Variants in VPS11 observed in about 807,000 individuals in gnomAD.
VPS11 encodes the protein VPS11 core subunit of CORVET and HOPS complexes.
Under a neutral mutation model 106.8 loss-of-function variants are expected in VPS11, and 51 were observed. The observed-to-expected ratio is 0.48, with a 90% CI of 0.38 to 0.60. The LOEUF is 0.60. Ranked by LOEUF, VPS11 falls within the 20% of genes least tolerant of loss-of-function variation. The pLI, the probability that VPS11 is intolerant of heterozygous loss-of-function variation, is 0.00. For synonymous variants in VPS11, 453 were observed against 458.7 expected (o/e 0.99, Z 0.16); for missense variants, 950 against 1,190.0 (o/e 0.80, Z 2.97).
intron 4 of VPS11, chr11:119,070,697 C>G: frequency 5.7e-6 from 1 of 174,662 alleles, no homozygotes; most frequent in South Asian, 1.5e-4. Flanking sequence ...CCTCAGTCTC[C>G]CAGGTTCAAG....
intron 1 of VPS11, among the ~76,000 whole-genome samples, chr11:119,068,392 GGTTT>G (rs1232855979): frequency 6.6e-6 from 1 of 151,282 alleles, no homozygotes; most frequent in Admixed American, 6.6e-5. Context: ...TGAGCCTAGC[GGTTT>G]GTTGCTTTCA....
At position 119,067,909 on chromosome 11, in the gene VPS11, C is replaced by T. The variant is rs1406577677; in HGVS notation, c.86C>T (p.Pro29Leu). ...CCGCTGAGCAATGATGGGGCCGCTC[C>T]CGGGGCCACACCTGCTTCTGGATCC... is the stretch of plus-strand genomic sequence containing the variant. Reference protein sequence around the residue: ...KEPLSNDGAAPGATPASGSAA... With the variant: ...KEPLSNDGAALGATPASGSAA... The change falls in exon 1 of 16, where the codon CCC becomes CTC. Residue 29 changes from proline to leucine, a missense_variant. By Grantham distance (98) the Pro-to-Leu change is moderately conservative (BLOSUM62 -3). Coordinates refer to ENST00000621676, the MANE Select transcript of VPS11 (RefSeq NM_021729.6). 6.2e-7 allele frequency: 1 copy of T among 1,606,002 alleles called. No individual in the cohort carries two copies. The highest frequency in any genetic ancestry group is 1.3e-5 in the African/African-American group (1 of 74,822).
At chr11:119,077,746 C>T in intron 9 of VPS11, 99 bp downstream of exon 9, 5 of 1,542,088 alleles carry the variant, frequency 3.2e-6, no homozygotes, top group Non-Finnish European at 4.4e-6. Context: ...CCACCCCATC[C>T]TCCTGAGTGG....
In VPS11 at chr11:119,071,585, G is replaced by A. The variant is rs143519923; in HGVS notation, c.637-11G>A. 1,492 of 1,613,500 alleles carry A rather than the reference G, an allele frequency of 9.2e-4. 15 individuals are homozygous for A. The East Asian group carries it at 0.018, about 20-fold the overall frequency. ...AAAGGAGCCTGTTAACCCCTTTGTT[G>A]CTTCTGGCAGTCCTATATAGTTTCT... On this transcript the variant is annotated splice_polypyrimidine_tract_variant and intron_variant, in intron 4 of 15. Coordinates refer to ENST00000621676, the MANE Select transcript of VPS11 (RefSeq NM_021729.6).
chr11:119,071,922 C>T, intron 5 of VPS11, 79 bp downstream of exon 5: 1 of 1,540,962 alleles, frequency 6.5e-7, no homozygotes. Context: ...ATCCTAATGC[C>T]TGGATACTGC....
At chr11:119,079,686 C>G (rs994597922) in intron 14 of VPS11, among the ~76,000 whole-genome samples, 1 of 152,194 alleles carries the variant, frequency 6.6e-6, no homozygotes, top group African/African-American at 2.4e-5. Context: ...AGTGATTCTC[C>G]CGCCTCAGCC....
chr11:119,073,462 C>G (rs1053305606), intron 6 of VPS11, 63 bp downstream of exon 6: 5 of 1,568,390 alleles, frequency 3.2e-6, no homozygotes, highest in Non-Finnish European at 4.3e-6. Flanking sequence ...GGAGCAGGTT[C>G]CCCAAGTCAT....
chr11:119,077,755 G>A lies in VPS11; in HGVS notation c.1572+108G>A, dbSNP rs1422056528. ...ATCCTCCCACCCCATCCTCCTGAGT[G>A]GAGGTGAGACTCTCAACTTGGGCAG... On this transcript the variant is annotated intron_variant, in intron 9 of 15. Coordinates refer to ENST00000621676, the MANE Select transcript of VPS11 (RefSeq NM_021729.6). 8 of 1,543,662 alleles carry A rather than the reference G, an allele frequency of 5.2e-6. No homozygotes were observed. In the East Asian group the frequency reaches 1.4e-4, roughly 26 times the overall value.
intron 8 of VPS11, 85 bp downstream of exon 8, chr11:119,077,168 C>T: frequency 2.0e-6 from 3 of 1,499,768 alleles, no homozygotes; most frequent in Non-Finnish European, 2.7e-6. Context: ...TTCAGCAAGA[C>T]ATAGGGAGAG....
chr11:119,079,058 G>A, intron 13 of VPS11, 61 bp downstream of exon 13: 11 of 1,612,106 alleles, frequency 6.8e-6, no homozygotes, highest in Non-Finnish European at 7.6e-6. Context: ...TGTGGCAGGG[G>A]CCCTTCACCT....
At chr11:119,074,081 TTG>T in intron 7 of VPS11, 130 bp downstream of exon 7, 1 of 1,211,924 alleles carries the variant, frequency 8.3e-7, no homozygotes. Context: ...GGTTTTTTGT[TTG>T]TTTTTGTTAG....
chr11:119,077,291 A>C (rs1448248736), intron 8 of VPS11, among the ~76,000 whole-genome samples: 1 of 152,216 alleles, frequency 6.6e-6, no homozygotes, highest in African/African-American at 2.4e-5. Flanking sequence ...GGGTGGTGGC[A>C]CTGGGGAAGT....
Position 119,073,094 on chromosome 11 carries a change from G to C in VPS11, c.885-104G>C. 10 of 1,333,116 alleles carry C rather than the reference G, an allele frequency of 7.5e-6. No homozygotes were observed. The Middle Eastern group carries it at 9.6e-4, about 128-fold the overall frequency. 82.6% of individuals were successfully genotyped at this position (1,333,116 alleles called of 1,614,324 possible). A position where few individuals can be genotyped will look rare whatever the true frequency, so the allele number is the denominator to read the frequency against. ...ATGGGATGAGAGGGACCAGAGAGGT[G>C]ATTTGTGCTGGGTGAAATGTGCACC... On this transcript the variant is annotated intron_variant, in intron 5 of 15. Coordinates refer to ENST00000621676, the MANE Select transcript of VPS11 (RefSeq NM_021729.6).
At chr11:119,074,042 G>C in intron 7 of VPS11, 91 bp downstream of exon 7, 1 of 1,408,950 alleles carries the variant, frequency 7.1e-7, no homozygotes, top group Non-Finnish European at 9.5e-7. Flanking sequence ...GTAGGGGCTA[G>C]AATTCTACCA....
At position 119,081,624 on chromosome 11, in the gene VPS11, G is replaced by A; in HGVS notation, c.*1G>A. ...CATGCACTCCAGGAGGGGCACTTAA[G>A]CAGCCTGGAGGAAGATGTGGGCAAC... On this transcript the variant is annotated 3_prime_UTR_variant, in exon 16 of 16. Coordinates refer to ENST00000621676, the MANE Select transcript of VPS11 (RefSeq NM_021729.6). The A allele has an allele frequency of 6.2e-7, 1 of 1,613,656 alleles. No homozygotes were observed. The highest frequency in any genetic ancestry group is 8.5e-7 in the Non-Finnish European group (1 of 1,179,718).
rs373829463 is a variant in VPS11 at position 119,076,488 on chromosome 11, T to C, written c.1239-409T>C. On this transcript the variant is annotated intron_variant, in intron 7 of 15. Transcript: ENST00000621676. The stretch of plus-strand genomic sequence containing the variant: ...TTGCGGTGGGCTGAGATCGTGCCAC[T>C]GCACTCCAGCCTGGGCAACAGGAGC... 2.0e-4 allele frequency among the ~76,000 whole-genome samples: 30 copies of C among 151,266 alleles called. 1 individual carries two copies. The East Asian group carries it at 2.9e-3, about 15-fold the overall frequency.
intron 7 of VPS11, among the ~76,000 whole-genome samples, chr11:119,075,551 A>G (rs1463733128): frequency 6.6e-6 from 1 of 150,690 alleles, no homozygotes; most frequent in East Asian, 1.9e-4. Flanking sequence ...CTAAAAAAAA[A>G]AAAAAAAAAA....
At chr11:119,072,920 C>G (rs1241706498) in intron 5 of VPS11, 2 of 436,094 alleles carry the variant, frequency 4.6e-6, no homozygotes, top group East Asian at 8.7e-5. Flanking sequence ...TTACATATAC[C>G]ATGTATTGGA....
At chr11:119,068,051 C>T (rs2133640688) in intron 1 of VPS11, 41 bp downstream of exon 1, 5 of 1,548,406 alleles carry the variant, frequency 3.2e-6, no homozygotes, top group Non-Finnish European at 4.4e-6. Context: ...CCCGGGATCC[C>T]GAAGAGATCG....
Sources: gnomAD v4.1 joint callset for allele counts (sites outside exome capture counted in the v4.1 genomes callset) on GRCh38, gnomAD v4.1.1 for gene constraint, MANE v1.5 for transcripts, NCBI Gene and HGNC (gene_info 2026-07-23, HGNC 2026-07-21) for gene names.